AHNAK2: variants seen among roughly 807,000 people sequenced by gnomAD.
The protein encoded by AHNAK2 is protein AHNAK2.
A neutral mutation model predicts 30.7 loss-of-function variants in AHNAK2; 18 were observed. That is an observed-to-expected ratio of 0.59 (90% CI 0.41 to 0.87). AHNAK2 has a LOEUF of 0.87. Ranked by LOEUF, AHNAK2 falls within the 40% of genes least tolerant of loss-of-function variation. The pLI, the probability that AHNAK2 is intolerant of heterozygous loss-of-function variation, is 0.00. For synonymous variants in AHNAK2, 3,590 were observed against 3,073.8 expected (o/e 1.17, Z -5.56); for missense variants, 8,604 against 7,373.0 (o/e 1.17, Z -6.11).
intron 1 of AHNAK2, among the ~76,000 whole-genome samples, chr14:104,972,406 C>T (rs1390107036): frequency 6.6e-6 from 1 of 152,092 alleles, no homozygotes; most frequent in Non-Finnish European, 1.5e-5. Context: ...CTGGCTGAGT[C>T]AGCGCCGTAC....
At chr14:104,960,300 G>A (rs1899100522) in intron 1 of AHNAK2, among the ~76,000 whole-genome samples, 1 of 152,126 alleles carries the variant, frequency 6.6e-6, no homozygotes. Flanking sequence ...GGTCAAAAAT[G>A]TTCTCCCAAA....
At position 104,955,989 on chromosome 14, in the gene AHNAK2, C is replaced by T. The variant is rs185501996; in HGVS notation, c.316-356G>A. Among the ~76,000 whole-genome samples the T allele has an allele frequency of 1.8e-4, 27 of 152,318 alleles. No individual in the cohort carries two copies. In the South Asian group the frequency reaches 2.1e-3, roughly 12 times the overall value. On this transcript the variant is annotated intron_variant, in intron 4 of 6. Coordinates refer to ENST00000333244, the MANE Select transcript of AHNAK2 (RefSeq NM_138420.4). ...CTCCTTCATGCATTCTTCACAAACG[C>T]GTGAAGCACCAGTTGTGTGCAAGGC... is the stretch of plus-strand genomic sequence containing the variant.
In AHNAK2 at chr14:104,947,690, A is replaced by T. The variant is rs574429864; in HGVS notation, c.7761T>A (p.Asp2587Glu). ...TCAGGTCCAGCTTGGGGCCCTTGAC[A>T]TCTAGCTGGGGGCCCTTGAGGTCCA... ...PEMDLKGPQLDVKGPKLDLKG... is the reference protein window; with the variant it reads ...PEMDLKGPQLEVKGPKLDLKG... The change falls in exon 7 of 7, where the codon GAT becomes GAA. Residue 2587 changes from aspartate to glutamate, a missense_variant. Transcript: ENST00000333244. The T allele has an allele frequency of 1.2e-6, 2 of 1,612,306 alleles. No homozygotes were observed. Among genetic ancestry groups the T allele is most frequent in the Non-Finnish European group, 1.7e-6 (2 of 1,179,472 alleles).
intron 1 of AHNAK2, among the ~76,000 whole-genome samples, chr14:104,962,146 A>C (rs550603962): frequency 6.6e-6 from 1 of 152,348 alleles, no homozygotes; most frequent in Non-Finnish European, 1.5e-5. Flanking sequence ...AAACACTTGA[A>C]GTACCCATCA....
Position 104,945,153 on chromosome 14 carries a change from T to C in AHNAK2, c.10298A>G (p.Glu3433Gly). ...CACCTCCACGCTGGGCAGAGACACC[T>C]CCACATCAGGGACTGTCACTTCCGC... ...PKAEVTVPDV[E>G]VSLPSVEVDV... The change falls in exon 7 of 7, where the codon GAG (glutamate) becomes GGG (glycine). Residue 3433 changes from glutamate to glycine, a missense_variant. Coordinates refer to ENST00000333244, the MANE Select transcript of AHNAK2 (RefSeq NM_138420.4). The C allele has an allele frequency of 3.7e-6, 6 of 1,613,052 alleles. No homozygotes were observed. Among genetic ancestry groups the C allele is most frequent in the South Asian group, 1.1e-5 (1 of 91,038 alleles).
At position 104,947,468 on chromosome 14, in the gene AHNAK2, C is replaced by T. The variant is rs369539684; in HGVS notation, c.7983G>A (p.Ser2661=). The change falls in exon 7 of 7, where the codon TCG becomes TCA. Residue 2661 remains serine, a synonymous_variant. Coordinates refer to ENST00000333244, the MANE Select transcript of AHNAK2 (RefSeq NM_138420.4). ...ACGCCTCGATGGACTCGCCTGGGGCCGACACCCTGAATGATGGCATCTTGA... is the reference window on the plus strand; with the variant it reads ...ACGCCTCGATGGACTCGCCTGGGGCTGACACCCTGAATGATGGCATCTTGA... ...PKFKMPSFRV[S]APGESIEALV... 9.4e-5 allele frequency: 152 copies of T among 1,611,792 alleles called. 3 individuals carry two copies. The South Asian group carries it at 9.7e-4, about 10-fold the overall frequency.
chr14:104,947,590 G>T lies in AHNAK2; in HGVS notation c.7861C>A (p.Pro2621Thr), dbSNP rs1182674428. The change falls in exon 7 of 7, where the codon CCG becomes ACG. Residue 2621 changes from proline to threonine, a missense_variant. Transcript: ENST00000333244. Reference protein sequence around the residue: ...LSSMEVDVQAPRAKLDGARLE... With the variant: ...LSSMEVDVQATRAKLDGARLE... ...CGCGCACCATCCAGCTTTGCTCTCG[G>T]GGCCTGGACGTCCACCTCCATGCTG... is the stretch of plus-strand genomic sequence containing the variant. 1.2e-6 allele frequency: 2 copies of T among 1,612,830 alleles called. No individual in the cohort carries two copies. Among genetic ancestry groups the T allele is most frequent in the Non-Finnish European group, 1.7e-6 (2 of 1,179,594 alleles).
In AHNAK2 at chr14:104,954,584, G is replaced by A. The variant is rs377120550; in HGVS notation, c.867C>T (p.Asp289=). Residue 289 remains aspartate (D), a synonymous_variant, in exon 7 of 7, where the codon GAC becomes GAT. Transcript: ENST00000333244. This position sits in a 1 kb window ranked among gnomAD's most constrained non-coding sequence, Gnocchi z 4.3. ...HSSSEAYEPR[D]AHDVSPTSTD... ...TGCTTGTAGGGGACACGTCATGTGC[G>A]TCCCTAGGTTCGTAGGCCTCTGACG... is the stretch of plus-strand genomic sequence containing the variant. The A allele has an allele frequency of 1.2e-5, 20 of 1,609,004 alleles. No individual in the cohort carries two copies. Among genetic ancestry groups the A allele is most frequent in the Middle Eastern group, 1.6e-4 (1 of 6,076 alleles).
chr14:104,959,123 C>T (rs1473303965), intron 1 of AHNAK2, among the ~76,000 whole-genome samples: 1 of 152,106 alleles, frequency 6.6e-6, no homozygotes, highest in Non-Finnish European at 1.5e-5. Flanking sequence ...TTGCTTGAGC[C>T]CAGAAACTCA....
rs771812442 is a variant in AHNAK2 at position 104,949,770 on chromosome 14, C to T, written c.5681G>A (p.Gly1894Asp). ...AGQVDMKLPE[G>D]QVPEGAGLKG... is the part of the protein sequence containing the mutation. ...GAGGCCGGCTCCCTCGGGCACCTGG[C>T]CCTCCGGGAGCTTCATGTCCACTTG... Residue 1894 changes from glycine to aspartate, a missense_variant, in exon 7 of 7, where the codon GGC becomes GAC. Transcript: ENST00000333244. 4.5e-5 allele frequency: 71 copies of T among 1,587,592 alleles called. 3 individuals are homozygous for T. In the Middle Eastern group the frequency reaches 1.2e-3, roughly 26 times the overall value.
rs554068754 is a variant in AHNAK2 at position 104,951,787 on chromosome 14, C to T, written c.3664G>A (p.Val1222Ile). The T allele has an allele frequency of 1.5e-6, 2 of 1,343,550 alleles. No homozygotes were observed. The highest frequency in any genetic ancestry group is 2.5e-5 in the South Asian group (2 of 79,994). 83.2% of individuals were successfully genotyped at this position (1,343,550 alleles called of 1,614,324 possible). ...TTCACGTCCACCTGGCCAGCGTGGACCTCCAGGTCAGCGGAAGGGGGCTGA... is the reference window on the plus strand; with the variant it reads ...TTCACGTCCACCTGGCCAGCGTGGATCTCCAGGTCAGCGGAAGGGGGCTGA... ...SIQPPSADLEVHAGQVDVKLL... is the reference protein window; with the variant it reads ...SIQPPSADLEIHAGQVDVKLL... Residue 1222 changes from valine to isoleucine, a missense_variant, in exon 7 of 7, where the codon GTC (valine) becomes ATC (isoleucine). Coordinates refer to ENST00000333244, the MANE Select transcript of AHNAK2 (RefSeq NM_138420.4).
chr14:104,947,217 T>C lies in AHNAK2; in HGVS notation c.8234A>G (p.Asp2745Gly). Residue 2745 changes from aspartate (D) to glycine (G), a missense_variant, in exon 7 of 7, where the codon GAC (aspartate) becomes GGC (glycine). By Grantham distance (94) the Asp-to-Gly change is moderately conservative (BLOSUM62 -1). Transcript: ENST00000333244. ...QMPSFKMPEV[D>G]LKGPQIDVKG... ...AACATCTATCTGGGGGCCCTTGAGG[T>C]CCACTTCAGGCATCTTGAAACTGGG... The C allele has an allele frequency of 1.2e-6, 2 of 1,611,892 alleles. No individual in the cohort carries two copies. Among genetic ancestry groups the C allele is most frequent in the East Asian group, 2.2e-5 (1 of 44,640 alleles).
At chr14:104,976,998 C>T (rs1311626144) in intron 1 of AHNAK2, among the ~76,000 whole-genome samples, 1 of 152,198 alleles carries the variant, frequency 6.6e-6, no homozygotes, top group Admixed American at 6.5e-5. Flanking sequence ...TCTGCGACAC[C>T]GTGAAGCAGG....
In AHNAK2 at chr14:104,948,593, C is replaced by T. The variant is rs1330005756; in HGVS notation, c.6858G>A (p.Val2286=). ...DVEVSLPSVE[V]DVKAPGAKLD... is the part of the protein sequence containing the mutation. The stretch of plus-strand genomic sequence containing the variant: ...GCTTGGCTCCTGGGGCCTTGACGTC[C>T]ACCTCCACGCTGGGCAGAGACACCT... The change falls in exon 7 of 7, where the codon GTG becomes GTA. Residue 2286 remains valine (V), a synonymous_variant. Transcript: ENST00000333244. 6.2e-7 allele frequency: 1 copy of T among 1,612,766 alleles called. No individual in the cohort carries two copies. Among genetic ancestry groups the T allele is most frequent in the Non-Finnish European group, 8.5e-7 (1 of 1,179,814 alleles).
Position 104,937,533 on chromosome 14 carries a change from A to G in AHNAK2, c.*530T>C, listed in dbSNP as rs1595386114. 6.6e-6 allele frequency: 1 copy of G among 152,456 alleles called. No homozygotes were observed. 9.4% of individuals were successfully genotyped at this position (152,456 alleles called of 1,614,324 possible). On this transcript the variant is annotated 3_prime_UTR_variant, in exon 7 of 7. Transcript: ENST00000333244. ...CACCCAAAACATCTTGAAACTTGCC[A>G]TTAGTGAGGCATTCAACAAAGAAGT... is the stretch of plus-strand genomic sequence containing the variant.
In AHNAK2 at chr14:104,942,786, G is replaced by T. The variant is rs778507253; in HGVS notation, c.12665C>A (p.Pro4222His). Residue 4222 changes from proline to histidine, a missense_variant, in exon 7 of 7, where the codon CCC becomes CAC. By Grantham distance (77) the Pro-to-His change is moderately conservative. Transcript: ENST00000333244. ...LKGHLPKVQM[P>H]CLKMPKVALK... Reference sequence around the variant, plus strand: ...GGCCACTTTGGGCATCTTCAAACAGGGCATCTGCACCTTGGGGAGGTGCCC... The same window carrying T: ...GGCCACTTTGGGCATCTTCAAACAGTGCATCTGCACCTTGGGGAGGTGCCC... 1.2e-6 allele frequency: 2 copies of T among 1,612,770 alleles called. No individual in the cohort carries two copies. The highest frequency in any genetic ancestry group is 3.3e-5 in the Admixed American group (2 of 59,948).
Position 104,941,938 on chromosome 14 carries a change from C to G in AHNAK2, c.13513G>C (p.Asp4505His). 1 of 1,613,514 alleles carries G rather than the reference C, an allele frequency of 6.2e-7. No homozygotes were observed. The highest frequency in any genetic ancestry group is 8.5e-7 in the Non-Finnish European group (1 of 1,179,666). ...ATGCGGAGGTCAGTGGTCTTGAGGT[C>G]CCCCTGCATGGAGGGAATGCTCATG... Reference protein sequence around the residue: ...ADMSIPSMQGDLKTTDLRIQA... With the variant: ...ADMSIPSMQGHLKTTDLRIQA... Residue 4505 changes from aspartate to histidine, a missense_variant, in exon 7 of 7, where the codon GAC (aspartate) becomes CAC (histidine). Asp to His is a moderately conservative substitution (Grantham distance 81). Coordinates refer to ENST00000333244, the MANE Select transcript of AHNAK2 (RefSeq NM_138420.4).
chr14:104,969,613 G>A lies in AHNAK2; in HGVS notation c.55+8570C>T, dbSNP rs79366943. 3.0e-3 allele frequency among the ~76,000 whole-genome samples: 464 copies of A among 152,360 alleles called. 1 individual carries two copies. The highest frequency in any genetic ancestry group is 0.011 in the African/African-American group (456 of 41,582). ...GGCAGTGCATGGGAAAAAGGAAGGA[G>A]CTTGTCAGATCTCCTGGAAAAGCCT... On this transcript the variant is annotated intron_variant, in intron 1 of 6. Coordinates refer to ENST00000333244, the MANE Select transcript of AHNAK2 (RefSeq NM_138420.4).
chr14:104,949,516 T>G lies in AHNAK2; in HGVS notation c.5935A>C (p.Lys1979Gln), dbSNP rs1404035790. 3 of 1,588,108 alleles carry G rather than the reference T, an allele frequency of 1.9e-6. 1 individual carries two copies. The highest frequency in any genetic ancestry group is 2.6e-6 in the Non-Finnish European group (3 of 1,162,898). The part of the protein sequence containing the change: ...RLEGDLSLAD[K>Q]DMTAKDSKFK... The stretch of plus-strand genomic sequence containing the variant: ...TTGCTGTCTTTGGCAGTCATGTCCT[T>G]GTCGGCCAGGGACAGGTCTCCCTCC... Residue 1979 changes from lysine to glutamine, a missense_variant, in exon 7 of 7, where the codon AAG (lysine) becomes CAG (glutamine). Physicochemically the swap from Lys to Gln is moderately conservative, Grantham distance 53. Coordinates refer to ENST00000333244, the MANE Select transcript of AHNAK2 (RefSeq NM_138420.4).
Sources: gnomAD v4.1 joint callset for allele counts (sites outside exome capture counted in the v4.1 genomes callset) on GRCh38, gnomAD v4.1.1 for gene constraint, Gnocchi (gnomAD v3.1) non-coding constraint, MANE v1.5 for transcripts, NCBI Gene and HGNC (gene_info 2026-07-23, HGNC 2026-07-21) for gene names.